The following STXBP5L variants were observed in gnomAD, a reference collection of about 807,000 sequenced individuals.
STXBP5L encodes syntaxin binding protein 5L, also known as syntaxin-binding protein 5-like.
STXBP5L carries 65 observed loss-of-function variants against 144.5 expected under a neutral mutation model. The observed-to-expected ratio is 0.45, with a 90% CI of 0.37 to 0.55. The LOEUF (loss-of-function observed/expected upper bound fraction) is 0.55, where lower values mean the gene tolerates loss of function less well. Among genes scored for constraint, STXBP5L ranks in the 20% least tolerant of loss-of-function variants. The pLI, the probability that STXBP5L is intolerant of heterozygous loss-of-function variation, is 0.00. For missense variants in STXBP5L, 1,298 were observed against 1,405.5 expected, an observed-to-expected ratio of 0.92 and a Z score of 1.22; for synonymous variants, 505 against 469.6, an observed-to-expected ratio of 1.08 and a Z score of -0.97.
intron 22 of STXBP5L, among the ~76,000 whole-genome samples, chr3:121,397,581 C>T (rs2046762202): frequency 6.6e-6 from 1 of 152,170 alleles, no homozygotes; most frequent in African/African-American, 2.4e-5. Context: ...TTGGTGGGAA[C>T]ATCGTCTTTC....
intron 19 of STXBP5L, among the ~76,000 whole-genome samples, chr3:121,300,251 T>C (rs537730230): frequency 2.0e-4 from 31 of 152,092 alleles, no homozygotes; most frequent in Middle Eastern, 3.4e-3. Flanking sequence ...TGAAAGTGCA[T>C]GAATTAACAG....
At chr3:120,978,102 A>G (rs1941298456) in intron 3 of STXBP5L, among the ~76,000 whole-genome samples, 3 of 152,148 alleles carry the variant, frequency 2.0e-5, no homozygotes. Flanking sequence ...GCCTTGCTAG[A>G]TTGGGGAAAT....
chr3:121,222,466 T>C (rs1270826590), intron 10 of STXBP5L, among the ~76,000 whole-genome samples: 1 of 152,118 alleles, frequency 6.6e-6, no homozygotes, highest in East Asian at 1.9e-4. Context: ...ATTAGCTTTC[T>C]CCATCTTTTT....
intron 22 of STXBP5L, among the ~76,000 whole-genome samples, chr3:121,402,454 AC>A (rs1314938672): frequency 6.6e-6 from 1 of 151,102 alleles, no homozygotes; most frequent in Non-Finnish European, 1.5e-5. Context: ...ATTGTCATTC[AC>A]CCCCTTCATG....
At chr3:121,121,214 G>T (rs2044446007) in intron 6 of STXBP5L, among the ~76,000 whole-genome samples, 1 of 151,198 alleles carries the variant, frequency 6.6e-6, no homozygotes, top group African/African-American at 2.4e-5. Context: ...AAAATAATCA[G>T]AGGAGATTTC....
intron 3 of STXBP5L, among the ~76,000 whole-genome samples, chr3:121,040,297 T>C (rs79545868): frequency 0.019 from 2,929 of 152,210 alleles, 88 homozygotes; most frequent in African/African-American, 0.066. Flanking sequence ...TTTTAAGTAC[T>C]GCTAAGCAGA....
intron 22 of STXBP5L, among the ~76,000 whole-genome samples, chr3:121,397,538 C>A (rs995878133): frequency 1.3e-5 from 2 of 152,222 alleles, no homozygotes; most frequent in African/African-American, 4.8e-5. Context: ...GGACGCTTAA[C>A]AATGGCCGCC....
chr3:121,148,960 G>A (rs889361995), intron 7 of STXBP5L, among the ~76,000 whole-genome samples: 2 of 152,068 alleles, frequency 1.3e-5, no homozygotes, highest in Non-Finnish European at 2.9e-5. Flanking sequence ...GCAAGAAAGA[G>A]AGCAATATGT....
At chr3:121,405,927 G>A (rs928341395) in intron 22 of STXBP5L, among the ~76,000 whole-genome samples, 1 of 152,028 alleles carries the variant, frequency 6.6e-6, no homozygotes, top group African/African-American at 2.4e-5. Context: ...TCAAAATGTG[G>A]ATTTCTTGTC....
chr3:121,354,782 A>C (rs2045440163), intron 20 of STXBP5L, among the ~76,000 whole-genome samples: 1 of 152,108 alleles, frequency 6.6e-6, no homozygotes, highest in Admixed American at 6.6e-5. Flanking sequence ...GTTTCTTCCT[A>C]GCATCTATGA....
chr3:120,975,808 G>T (rs1940919488), intron 3 of STXBP5L, among the ~76,000 whole-genome samples: 2 of 152,080 alleles, frequency 1.3e-5, no homozygotes, highest in South Asian at 4.2e-4. Flanking sequence ...TAATCATGTG[G>T]TTTTTGTCTT....
intron 2 of STXBP5L, among the ~76,000 whole-genome samples, chr3:120,920,156 C>T (rs865866791): frequency 2.0e-5 from 3 of 151,890 alleles, no homozygotes; most frequent in Admixed American, 6.6e-5. Flanking sequence ...GAAAGTAACT[C>T]TTTAAGTCAC....
chr3:121,261,116 C>G lies in STXBP5L; in HGVS notation c.1958+1948C>G, dbSNP rs928280987. ...GTAAAGACAAGGGGACTTCAGAATT[C>G]AGAGACTATAAAGATGTGTCACCTG... On this transcript the variant is annotated intron_variant, in intron 18 of 26. Coordinates refer to ENST00000471454, the MANE Select transcript of STXBP5L (RefSeq NM_001308330.2). 8.5e-5 allele frequency among the ~76,000 whole-genome samples: 13 copies of G among 152,196 alleles called. 1 individual carries two copies. Among genetic ancestry groups the G allele is most frequent in the African/African-American group, 2.9e-4 (12 of 41,534 alleles).
intron 18 of STXBP5L, among the ~76,000 whole-genome samples, chr3:121,272,492 C>T (rs2050760633): frequency 6.6e-6 from 1 of 152,156 alleles, no homozygotes; most frequent in African/African-American, 2.4e-5. Context: ...TTCATCCCTT[C>T]ACTTTCAGCC....
Position 121,347,517 on chromosome 3 carries a change from G to T in STXBP5L, c.2176+28977G>T, listed in dbSNP as rs1258331936. On this transcript the variant is annotated intron_variant, in intron 20 of 26. Coordinates refer to ENST00000471454, the MANE Select transcript of STXBP5L (RefSeq NM_001308330.2). ...AGAAAGTCATTTGGTAACTTGATGG[G>T]GATGGCATTGAATCTATAAATTACC... 2.6e-5 allele frequency among the ~76,000 whole-genome samples: 4 copies of T among 152,052 alleles called. No homozygotes were observed. In the South Asian group the frequency reaches 6.2e-4, roughly 24 times the overall value.
intron 20 of STXBP5L, among the ~76,000 whole-genome samples, chr3:121,343,994 A>C (rs182631196): frequency 6.6e-6 from 1 of 152,258 alleles, no homozygotes; most frequent in East Asian, 1.9e-4. Flanking sequence ...CCGGACTTCT[A>C]ACTATACTAC....
chr3:121,131,515 C>A (rs777259931), intron 7 of STXBP5L, among the ~76,000 whole-genome samples: 30 of 152,078 alleles, frequency 2.0e-4, no homozygotes, highest in Non-Finnish European at 4.0e-4. Flanking sequence ...CAAATATGGC[C>A]TGCCTGTTAT....
intron 3 of STXBP5L, among the ~76,000 whole-genome samples, chr3:120,963,765 A>G (rs1264557478): frequency 2.0e-5 from 3 of 152,158 alleles, no homozygotes; most frequent in Non-Finnish European, 4.4e-5. Flanking sequence ...AGGCTTTTGT[A>G]TCGGGATAAT....
At position 121,163,538 on chromosome 3, in the gene STXBP5L, A is replaced by G. The variant is rs148175341; in HGVS notation, c.877+5911A>G. On this transcript the variant is annotated intron_variant, in intron 9 of 26. Coordinates refer to ENST00000471454, the MANE Select transcript of STXBP5L (RefSeq NM_001308330.2). Reference sequence around the variant, plus strand: ...AAACCACCATGGCACATGATTACCTATGTAACAAACCTGCACTTTCTGCAC... The same window carrying G: ...AAACCACCATGGCACATGATTACCTGTGTAACAAACCTGCACTTTCTGCAC... 5.6e-3 allele frequency among the ~76,000 whole-genome samples: 853 copies of G among 152,264 alleles called. 4 individuals carry two copies. The highest frequency in any genetic ancestry group is 0.02 in the African/African-American group (822 of 41,546).
Sources: gnomAD v4.1 joint callset for allele counts (sites outside exome capture counted in the v4.1 genomes callset) on GRCh38, gnomAD v4.1.1 for gene constraint, MANE v1.5 for transcripts, NCBI Gene and HGNC (gene_info 2026-07-23, HGNC 2026-07-21) for gene names.